Variants in RTN1 observed in about 807,000 individuals in gnomAD.
RTN1 encodes reticulon 1, also known as reticulon-1.
In RTN1, 25 loss-of-function variants were observed where a neutral mutation model predicts 65.5. The ratio of observed to expected loss-of-function variants is 0.38; its 90% CI spans 0.28 to 0.53. The LOEUF (loss-of-function observed/expected upper bound fraction) is 0.53. Among genes scored for constraint, RTN1 ranks in the 20% least tolerant of loss-of-function variants. RTN1 has a pLI of 0.79. For missense variants in RTN1, 983 were observed against 1,025.4 expected (o/e 0.96, Z 0.57); for synonymous variants, 471 against 447.6 (o/e 1.05, Z -0.66).
At chr14:59,838,480 T>C (rs1249647807) in intron 1 of RTN1, among the ~76,000 whole-genome samples, 1 of 152,218 alleles carries the variant, frequency 6.6e-6, no homozygotes, top group East Asian at 1.9e-4. Context: ...CTCAGTAATA[T>C]GAAACTTGAT....
intron 3 of RTN1, among the ~76,000 whole-genome samples, chr14:59,703,618 C>T (rs1008257786): frequency 2.6e-5 from 4 of 152,174 alleles, no homozygotes; most frequent in African/African-American, 7.2e-5. Context: ...AATGCAAAAA[C>T]GGACTAACAC....
intron 3 of RTN1, among the ~76,000 whole-genome samples, chr14:59,708,031 T>G (rs1884335731): frequency 6.6e-6 from 1 of 152,230 alleles, no homozygotes; most frequent in East Asian, 1.9e-4. Context: ...CTGAGCTGTA[T>G]GTTAACGCTG....
chr14:59,771,652 AG>A (rs1308370597), intron 1 of RTN1, among the ~76,000 whole-genome samples: 12 of 152,362 alleles, frequency 7.9e-5, no homozygotes, highest in African/African-American at 2.6e-4. Flanking sequence ...GAAGTCATAA[AG>A]ATATTCTTTC....
At chr14:59,746,630 C>T in intron 1 of RTN1, 149 bp from the exon 2 acceptor site, 1 of 632,856 alleles carries the variant, frequency 1.6e-6, no homozygotes, top group South Asian at 2.2e-5. Flanking sequence ...CTCAGAGCAC[C>T]AGCATGTTAA....
intron 1 of RTN1, among the ~76,000 whole-genome samples, chr14:59,749,282 ATATATC>A (rs1885325711): frequency 1.5e-5 from 1 of 66,958 alleles, no homozygotes; most frequent in African/African-American, 1.0e-4. Flanking sequence ...ATATATCTAT[ATATATC>A]TATATATATC....
intron 3 of RTN1, among the ~76,000 whole-genome samples, chr14:59,721,823 G>C (rs1404312043): frequency 6.6e-6 from 1 of 152,124 alleles, no homozygotes; most frequent in African/African-American, 2.4e-5. Flanking sequence ...TTACAGTCAG[G>C]TCGGCACCGA....
chr14:59,738,671 G>T (rs1437810983), intron 2 of RTN1, among the ~76,000 whole-genome samples: 4 of 152,152 alleles, frequency 2.6e-5, no homozygotes, highest in Non-Finnish European at 5.9e-5. Context: ...AAAGGAATAG[G>T]AATCATCCTA....
At chr14:59,860,269 G>A (rs1358375192) in intron 1 of RTN1, among the ~76,000 whole-genome samples, 4 of 152,198 alleles carry the variant, frequency 2.6e-5, no homozygotes, top group African/African-American at 9.6e-5. Context: ...GGCTGAAAGG[G>A]GACAAGCTGA....
intron 3 of RTN1, among the ~76,000 whole-genome samples, chr14:59,649,112 C>A (rs1048410146): frequency 3.3e-5 from 5 of 152,198 alleles, no homozygotes; most frequent in African/African-American, 1.2e-4. Context: ...CACACATTTA[C>A]AACCATCTGA....
intron 1 of RTN1, among the ~76,000 whole-genome samples, chr14:59,763,773 C>A (rs1426062664): frequency 6.6e-6 from 1 of 152,100 alleles, no homozygotes; most frequent in Admixed American, 6.6e-5. Flanking sequence ...CCTCGTGATC[C>A]ACCTGCCTCG....
chr14:59,599,141 A>C (rs1881497590), intron 8 of RTN1, among the ~76,000 whole-genome samples: 1 of 152,242 alleles, frequency 6.6e-6, no homozygotes, highest in Non-Finnish European at 1.5e-5. Flanking sequence ...TGACCAATCA[A>C]GCAATTAAAA....
At chr14:59,867,115 A>G (rs1887812540) in intron 1 of RTN1, among the ~76,000 whole-genome samples, 1 of 152,196 alleles carries the variant, frequency 6.6e-6, no homozygotes, top group South Asian at 2.1e-4. Context: ...TAAGCAGTCA[A>G]TGAGTTAATT....
At chr14:59,834,142 G>C (rs1887174177) in intron 1 of RTN1, among the ~76,000 whole-genome samples, 1 of 151,816 alleles carries the variant, frequency 6.6e-6, no homozygotes, top group African/African-American at 2.4e-5. Flanking sequence ...TGGAAAAAAT[G>C]AATATCCAAA....
intron 3 of RTN1, among the ~76,000 whole-genome samples, chr14:59,620,510 T>C (rs1882226653): frequency 6.6e-6 from 1 of 152,234 alleles, no homozygotes; most frequent in Non-Finnish European, 1.5e-5. Flanking sequence ...TTAATTCTTT[T>C]TGTATTGATA....
chr14:59,751,824 C>A lies in RTN1; in HGVS notation c.242-5343G>T, dbSNP rs144293696. Among the ~76,000 whole-genome samples, 1,048 of 152,342 alleles carry A rather than the reference C, an allele frequency of 6.9e-3. 4 individuals carry two copies. The highest frequency in any genetic ancestry group is 0.011 in the Non-Finnish European group (766 of 68,030). On this transcript the variant is annotated intron_variant, in intron 1 of 8. Transcript: ENST00000267484. ...CAAGTGTCACTTGCTCAGTGCCCAG[C>A]CCCTGGGCTCTGCACTGCCTTGCTG...
intron 3 of RTN1, among the ~76,000 whole-genome samples, chr14:59,723,781 C>T (rs1291277170): frequency 6.6e-6 from 1 of 152,180 alleles, no homozygotes; most frequent in Non-Finnish European, 1.5e-5. Flanking sequence ...CACATAATAT[C>T]AACATGGCTG....
At chr14:59,724,863 T>C (rs1465057025) in intron 3 of RTN1, among the ~76,000 whole-genome samples, 1 of 152,192 alleles carries the variant, frequency 6.6e-6, no homozygotes, top group Non-Finnish European at 1.5e-5. Flanking sequence ...GCTCAGGACC[T>C]CCAGTTCTTG....
At chr14:59,749,358 CTATA>C (rs1320572308) in intron 1 of RTN1, among the ~76,000 whole-genome samples, 516 of 16,650 alleles carry the variant, frequency 0.031, 124 homozygotes, top group African/African-American at 0.052. Context: ...CTATATATAT[CTATA>C]TATATATCTA....
At chr14:59,773,378 T>C (rs1885993664) in intron 1 of RTN1, among the ~76,000 whole-genome samples, 2 of 152,172 alleles carry the variant, frequency 1.3e-5, no homozygotes, top group African/African-American at 2.4e-5. Context: ...TGTAATTCAC[T>C]ATTGTGGTTC....
Sources: allele counts gnomAD v4.1 joint callset (sites outside exome capture counted in the v4.1 genomes callset), GRCh38; gene constraint gnomAD v4.1.1; transcripts MANE v1.5; gene names NCBI Gene and HGNC (gene_info 2026-07-23, HGNC 2026-07-21).